The following EHBP1 variants were observed in gnomAD, a reference collection of about 807,000 sequenced individuals.
EHBP1 encodes the protein EH domain-binding protein 1.
Under a neutral mutation model 144.0 loss-of-function variants are expected in EHBP1, and 55 were observed. That is an observed-to-expected ratio of 0.38 (90% CI 0.31 to 0.48). EHBP1 has a LOEUF of 0.48. Among genes scored for constraint, EHBP1 ranks in the 20% least tolerant of loss-of-function variants. The pLI is 0.98. For synonymous variants in EHBP1, 469 were observed against 472.7 expected, an observed-to-expected ratio of 0.99 and a Z score of 0.10; for missense variants, 1,200 against 1,364.2, an observed-to-expected ratio of 0.88 and a Z score of 1.90.
intron 2 of EHBP1, among the ~76,000 whole-genome samples, chr2:62,717,695 GTT>G (rs2035817935): frequency 6.6e-6 from 1 of 151,746 alleles, no homozygotes. Context: ...TTCGAAAATA[GTT>G]TTAATAAAGT....
intron 2 of EHBP1, among the ~76,000 whole-genome samples, chr2:62,734,007 G>A (rs1475749238): frequency 6.6e-6 from 1 of 152,150 alleles, no homozygotes; most frequent in Non-Finnish European, 1.5e-5. Context: ...AGGAATCTAA[G>A]AAGAGTTGAT....
intron 19 of EHBP1, among the ~76,000 whole-genome samples, chr2:63,028,926 G>T (rs1168735447): frequency 6.6e-6 from 1 of 152,018 alleles, no homozygotes; most frequent in African/African-American, 2.4e-5. Flanking sequence ...ATAAGTATTT[G>T]ATATTCTGTT....
chr2:62,809,247 C>T (rs1418542100), intron 5 of EHBP1, among the ~76,000 whole-genome samples: 4 of 146,814 alleles, frequency 2.7e-5, no homozygotes, highest in South Asian at 4.4e-4. Flanking sequence ...GCCAAGATCG[C>T]GCCATTGCAC....
rs1005569162 is a variant in EHBP1 at position 62,814,046 on chromosome 2, A to G, written c.313-12041A>G. 1.1e-3 allele frequency among the ~76,000 whole-genome samples: 171 copies of G among 152,312 alleles called. 1 individual carries two copies. The highest frequency in any genetic ancestry group is 3.9e-3 in the African/African-American group (161 of 41,574). ...TTGGGATGGAATGAATGTATTTTGC[A>G]TGTGAGAAAGACATGAATTTTGGGG... On this transcript the variant is annotated intron_variant, in intron 5 of 22. Transcript: ENST00000431489.
chr2:62,752,008 T>C (rs2039781195), intron 3 of EHBP1, among the ~76,000 whole-genome samples: 1 of 152,142 alleles, frequency 6.6e-6, no homozygotes, highest in African/African-American at 2.4e-5. Context: ...ATCTTAGTTA[T>C]TTCTTGCCTT....
At chr2:62,835,796 C>T (rs1017432511) in intron 7 of EHBP1, among the ~76,000 whole-genome samples, 3 of 152,194 alleles carry the variant, frequency 2.0e-5, no homozygotes, top group African/African-American at 7.2e-5. Context: ...GCTTAAAAAA[C>T]GGCGCACCAC....
chr2:62,773,150 C>T (rs1342662647), intron 5 of EHBP1, among the ~76,000 whole-genome samples: 4 of 152,060 alleles, frequency 2.6e-5, no homozygotes, highest in Admixed American at 6.6e-5. Flanking sequence ...GTAATTAAAC[C>T]GAAACGAGAC....
chr2:62,977,152 A>C (rs2058753251), intron 14 of EHBP1, among the ~76,000 whole-genome samples: 1 of 150,820 alleles, frequency 6.6e-6, no homozygotes, highest in Admixed American at 6.6e-5. Flanking sequence ...ATACACCTCT[A>C]ATTGATGATT....
Position 63,045,242 on chromosome 2 carries a change from G to A in EHBP1, c.3392+62G>A, listed in dbSNP as rs2061905908. On this transcript the variant is annotated intron_variant, in intron 22 of 22. Coordinates refer to ENST00000431489, the MANE Select transcript of EHBP1 (RefSeq NM_001142616.3). The surrounding 1 kb of genome is among the most constrained non-coding windows in gnomAD (Gnocchi z 5.7). The stretch of plus-strand genomic sequence containing the variant: ...CCTGCCGAGGGGCCGAGAAGTGTGC[G>A]GAAAGTTCAATCCAGAGGTCGCGGG... 1 of 1,490,392 alleles carries A rather than the reference G, an allele frequency of 6.7e-7. No homozygotes were observed. Among genetic ancestry groups the A allele is most frequent in the Admixed American group, 2.0e-5 (1 of 51,008 alleles). The allele number at this position is 1,490,392 out of a possible 1,614,324, so 92.3% of individuals were successfully genotyped here. A position where few individuals can be genotyped will look rare whatever the true frequency, so the allele number is the denominator to read the frequency against.
intron 5 of EHBP1, among the ~76,000 whole-genome samples, chr2:62,823,590 A>G (rs751313026): frequency 3.9e-5 from 6 of 152,128 alleles, no homozygotes; most frequent in Non-Finnish European, 7.4e-5. Flanking sequence ...AATGATGTCC[A>G]TCTTGGGTGG....
At chr2:62,693,564 G>A (rs2033982496) in intron 1 of EHBP1, among the ~76,000 whole-genome samples, 1 of 152,022 alleles carries the variant, frequency 6.6e-6, no homozygotes, top group Non-Finnish European at 1.5e-5. Flanking sequence ...AATGTGTAGA[G>A]GTCAAATCAG....
At chr2:62,964,191 GA>G (rs975439097) in intron 14 of EHBP1, among the ~76,000 whole-genome samples, 9 of 150,596 alleles carry the variant, frequency 6.0e-5, no homozygotes, top group African/African-American at 9.8e-5. Flanking sequence ...TGTTGTGGAG[GA>G]AAAAAAAACC....
intron 19 of EHBP1, among the ~76,000 whole-genome samples, chr2:63,025,195 C>T (rs969164106): frequency 3.9e-5 from 6 of 151,962 alleles, no homozygotes; most frequent in Non-Finnish European, 2.9e-5. Context: ...CTCTGAAATA[C>T]GTAATTTGAT....
At chr2:62,929,905 T>C (rs1214396656) in intron 10 of EHBP1, among the ~76,000 whole-genome samples, 3 of 152,000 alleles carry the variant, frequency 2.0e-5, no homozygotes, top group African/African-American at 7.3e-5. Flanking sequence ...TATTTCTATA[T>C]ACCAACAATG....
chr2:62,879,587 AC>A (rs2152865161), intron 10 of EHBP1, among the ~76,000 whole-genome samples: 1 of 151,342 alleles, frequency 6.6e-6, no homozygotes, highest in African/African-American at 2.4e-5. Flanking sequence ...ACACACACAC[AC>A]ACAGAGACAG....
upstream of EHBP1, among the ~76,000 whole-genome samples, chr2:62,704,813 T>C (rs908746334): frequency 2.6e-5 from 4 of 152,146 alleles, no homozygotes; most frequent in Non-Finnish European, 5.9e-5. Context: ...TCTGTAGCTT[T>C]CATATTCTCA....
chr2:62,827,554 G>A (rs1027668706), intron 6 of EHBP1, among the ~76,000 whole-genome samples: 4 of 152,126 alleles, frequency 2.6e-5, no homozygotes, highest in South Asian at 2.1e-4. Context: ...AATTCTTTCC[G>A]AACATCCTAA....
intron 10 of EHBP1, among the ~76,000 whole-genome samples, chr2:62,890,179 G>C (rs762833226): frequency 1.1e-4 from 17 of 151,828 alleles, no homozygotes; most frequent in African/African-American, 1.7e-4. Flanking sequence ...CTTGTGATCT[G>C]CCCACCTCGG....
chr2:62,987,774 A>C (rs1483678129), intron 15 of EHBP1, among the ~76,000 whole-genome samples: 1 of 152,144 alleles, frequency 6.6e-6, no homozygotes, highest in African/African-American at 2.4e-5. Flanking sequence ...TCCAATAGTG[A>C]AAGAGTGACT....
Sources: gnomAD v4.1 joint callset for allele counts (sites outside exome capture counted in the v4.1 genomes callset) on GRCh38, gnomAD v4.1.1 for gene constraint, Gnocchi (gnomAD v3.1) non-coding constraint, MANE v1.5 for transcripts, NCBI Gene and HGNC (gene_info 2026-07-23, HGNC 2026-07-21) for gene names.